HMGCLL1: variants seen among roughly 807,000 people sequenced by gnomAD.
HMGCLL1 encodes 3-hydroxy-3-methylglutaryl-CoA lyase like 1.
A neutral mutation model predicts 39.1 loss-of-function variants in HMGCLL1; 36 were observed. The observed-to-expected ratio is 0.92, with a 90% CI of 0.71 to 1.22. The LOEUF (loss-of-function observed/expected upper bound fraction) is 1.22. HMGCLL1 is among the 50% of genes most tolerant of loss of function. The probability of loss-of-function intolerance (pLI) is 0.00; values close to 1 mark genes in which losing one functional copy is unlikely to be tolerated. For synonymous variants in HMGCLL1, 149 were observed against 144.0 expected (o/e 1.03, Z -0.25); for missense variants, 451 against 416.5 (o/e 1.08, Z -0.72).
chr6:55,463,706 C>T (rs987790537), intron 7 of HMGCLL1, among the ~76,000 whole-genome samples: 5 of 152,164 alleles, frequency 3.3e-5, no homozygotes, highest in African/African-American at 4.8e-5. Flanking sequence ...GGCATCTCTC[C>T]AGATGGAATA....
At chr6:55,479,577 CTCTTTA>C (rs1313590088) in intron 7 of HMGCLL1, among the ~76,000 whole-genome samples, 1 of 151,488 alleles carries the variant, frequency 6.6e-6, no homozygotes. Flanking sequence ...ATTATTCTTT[CTCTTTA>C]TATTTTCCTT....
chr6:55,630,504 G>T, the HMGCLL1 span, among the ~76,000 whole-genome samples: 1 of 152,040 alleles, frequency 6.6e-6, no homozygotes, highest in Non-Finnish European at 1.5e-5. Flanking sequence ...GATTTTGGGG[G>T]ACTGTTTGGA....
the HMGCLL1 span, among the ~76,000 whole-genome samples, chr6:55,655,905 T>C: frequency 6.6e-6 from 1 of 152,036 alleles, no homozygotes; most frequent in African/African-American, 2.4e-5. Flanking sequence ...TATTTTAATG[T>C]TCTCCTAGTT....
the HMGCLL1 span, among the ~76,000 whole-genome samples, chr6:55,588,667 A>G: frequency 2.2e-4 from 33 of 152,280 alleles, no homozygotes; most frequent in African/African-American, 7.9e-4. Context: ...AGCAAGACTA[A>G]TAAAGAAGAA....
intron 1 of HMGCLL1, among the ~76,000 whole-genome samples, chr6:55,554,372 C>T (rs2127466748): frequency 6.6e-6 from 1 of 151,916 alleles, no homozygotes; most frequent in East Asian, 2.0e-4. Context: ...ATTGTGGATC[C>T]ACTTGCAGAA....
the HMGCLL1 span, among the ~76,000 whole-genome samples, chr6:55,678,577 A>G: frequency 1.3e-5 from 2 of 152,120 alleles, no homozygotes; most frequent in African/African-American, 4.8e-5. Flanking sequence ...CCATCGAGAG[A>G]AGGGGACTGT....
upstream of HMGCLL1, among the ~76,000 whole-genome samples, chr6:55,581,602 C>G (rs1281136078): frequency 1.3e-5 from 2 of 151,580 alleles, no homozygotes; most frequent in Non-Finnish European, 2.9e-5. Flanking sequence ...CAATATGTAC[C>G]CCTGTTCTAA....
the HMGCLL1 span, among the ~76,000 whole-genome samples, chr6:55,612,867 A>T: frequency 6.6e-6 from 1 of 152,218 alleles, no homozygotes; most frequent in East Asian, 1.9e-4. Context: ...TCTATGCAAT[A>T]CCATTCAGGG....
intron 1 of HMGCLL1, among the ~76,000 whole-genome samples, chr6:55,572,641 T>G (rs1771567325): frequency 6.6e-6 from 1 of 152,174 alleles, no homozygotes; most frequent in Non-Finnish European, 1.5e-5. Flanking sequence ...ATAGTATGTA[T>G]GCTACTATAC....
chr6:55,588,015 G>T, the HMGCLL1 span, among the ~76,000 whole-genome samples: 1 of 152,054 alleles, frequency 6.6e-6, no homozygotes, highest in South Asian at 2.1e-4. Context: ...AGTTAACAAG[G>T]ATATCCAGGA....
chr6:55,451,606 G>A (rs866096377), intron 7 of HMGCLL1, among the ~76,000 whole-genome samples: 1 of 152,114 alleles, frequency 6.6e-6, no homozygotes. Flanking sequence ...TAGGTGGTCA[G>A]TTATAGGCAG....
At chr6:55,517,875 C>T (rs1440474110) in intron 3 of HMGCLL1, among the ~76,000 whole-genome samples, 1 of 152,002 alleles carries the variant, frequency 6.6e-6, no homozygotes, top group Non-Finnish European at 1.5e-5. Context: ...TGACTGCCAT[C>T]ATGACTTATT....
chr6:55,585,817 A>C, the HMGCLL1 span, among the ~76,000 whole-genome samples: 1 of 152,124 alleles, frequency 6.6e-6, no homozygotes, highest in Non-Finnish European at 1.5e-5. Flanking sequence ...AGCTAATGGA[A>C]AAATAAGTAT....
the HMGCLL1 span, among the ~76,000 whole-genome samples, chr6:55,645,118 C>A: frequency 2.0e-5 from 3 of 151,870 alleles, no homozygotes; most frequent in Admixed American, 6.6e-5. Context: ...ACTTTTACTT[C>A]TTTTTTTAAG....
At chr6:55,568,405 G>A (rs1169899877) in intron 1 of HMGCLL1, among the ~76,000 whole-genome samples, 1 of 152,144 alleles carries the variant, frequency 6.6e-6, no homozygotes, top group Non-Finnish European at 1.5e-5. Context: ...CTATGTAATT[G>A]TTCATGTGAA....
At chr6:55,600,210 A>T in the HMGCLL1 span, among the ~76,000 whole-genome samples, 1 of 152,184 alleles carries the variant, frequency 6.6e-6, no homozygotes, top group Admixed American at 6.5e-5. Context: ...TTGACATTTT[A>T]AATCCATTAA....
chr6:55,490,052 A>G (rs982909789), intron 7 of HMGCLL1, among the ~76,000 whole-genome samples: 1 of 151,700 alleles, frequency 6.6e-6, no homozygotes, highest in Admixed American at 6.6e-5. Context: ...GTGAAAAGCT[A>G]CCAGCCATAT....
At chr6:55,534,015 A>C (rs565842749) in intron 3 of HMGCLL1, among the ~76,000 whole-genome samples, 1 of 152,162 alleles carries the variant, frequency 6.6e-6, no homozygotes, top group Admixed American at 6.5e-5. Context: ...TCTACAGTAA[A>C]GACAGTGATT....
intron 7 of HMGCLL1, among the ~76,000 whole-genome samples, chr6:55,490,932 G>A (rs1449438868): frequency 6.6e-6 from 1 of 151,858 alleles, no homozygotes; most frequent in Non-Finnish European, 1.5e-5. Flanking sequence ...CCAACCACTT[G>A]TAAAAAACAT....
Sources: allele counts gnomAD v4.1 joint callset (sites outside exome capture counted in the v4.1 genomes callset), GRCh38; gene constraint gnomAD v4.1.1; transcripts MANE v1.5; gene names NCBI Gene and HGNC (gene_info 2026-07-23, HGNC 2026-07-21).